NCOA6: variants seen among roughly 807,000 people sequenced by gnomAD.
The protein encoded by NCOA6 is NRC RAP250.
A neutral mutation model predicts 171.4 loss-of-function variants in NCOA6; 49 were observed. The ratio of observed to expected loss-of-function variants is 0.29; its 90% CI spans 0.23 to 0.36. The LOEUF (loss-of-function observed/expected upper bound fraction) is 0.36, where lower values mean the gene tolerates loss of function less well. Ranked by LOEUF, NCOA6 falls within the 10% of genes least tolerant of loss-of-function variation. The probability of loss-of-function intolerance (pLI) is 1.00; values close to 1 mark genes in which losing one functional copy is unlikely to be tolerated. For synonymous variants in NCOA6, 910 were observed against 927.5 expected (o/e 0.98, Z 0.34); for missense variants, 2,248 against 2,554.5 (o/e 0.88, Z 2.59).
Position 34,727,348 on chromosome 20 carries a change from G to A in NCOA6, c.6059C>T (p.Thr2020Ile). 1.2e-6 allele frequency: 2 copies of A among 1,614,150 alleles called. No homozygotes were observed. The highest frequency in any genetic ancestry group is 1.1e-5 in the South Asian group (1 of 91,076). The change falls in exon 14 of 15, where the codon ACT becomes ATT. Residue 2020 changes from threonine (T) to isoleucine (I), a missense_variant. Coordinates refer to ENST00000359003, the MANE Select transcript of NCOA6 (RefSeq NM_014071.5). ...TTCAGAGGCCACAGTTGGCTCTTCA[G>A]TTCGGGAGTTTCTTCGGCCTGGGAT... Reference protein sequence around the residue: ...SKIPGRRNSRTEEPTVASESV... With the variant: ...SKIPGRRNSRIEEPTVASESV...
chr20:34,724,668 C>T lies in NCOA6; in HGVS notation c.6148+2591G>A, dbSNP rs140922547. On this transcript the variant is annotated intron_variant, in intron 14 of 14. Coordinates refer to ENST00000359003, the MANE Select transcript of NCOA6 (RefSeq NM_014071.5). ...TTTTTTCTAGAAAGCCTTCTCTGACCTGGCAGAAGAGCAAGGTATCTCAGC... is the reference window on the plus strand; with the variant it reads ...TTTTTTCTAGAAAGCCTTCTCTGACTTGGCAGAAGAGCAAGGTATCTCAGC... Among the ~76,000 whole-genome samples, 213 of 152,294 alleles carry T rather than the reference C, an allele frequency of 1.4e-3. 1 individual carries two copies. Among genetic ancestry groups the T allele is most frequent in the African/African-American group, 4.9e-3 (205 of 41,552 alleles).
At chr20:34,720,996 C>G (rs1280414347) in intron 14 of NCOA6, among the ~76,000 whole-genome samples, 1 of 152,126 alleles carries the variant, frequency 6.6e-6, no homozygotes, top group Non-Finnish European at 1.5e-5. Flanking sequence ...AACTGTGATA[C>G]TACAATATAT....
At chr20:34,823,182 G>C (rs189738714) in intron 1 of NCOA6, among the ~76,000 whole-genome samples, 1 of 151,976 alleles carries the variant, frequency 6.6e-6, no homozygotes, top group East Asian at 1.9e-4. Context: ...ATTCTGAAAG[G>C]GGTCCATGGC....
At chr20:34,727,448 A>G in intron 13 of NCOA6, 41 bp from the exon 14 acceptor site, 1 of 1,606,818 alleles carries the variant, frequency 6.2e-7, no homozygotes, top group Non-Finnish European at 8.5e-7. Flanking sequence ...AGGTGAGGGA[A>G]CCAGGCCACA....
chr20:34,808,324 T>G (rs1005518382), intron 1 of NCOA6, among the ~76,000 whole-genome samples: 2 of 151,832 alleles, frequency 1.3e-5, no homozygotes, highest in Non-Finnish European at 2.9e-5. Flanking sequence ...ATCAAAATAT[T>G]TTTCCCTCTA....
chr20:34,823,527 G>C (rs2079067292), intron 1 of NCOA6, among the ~76,000 whole-genome samples: 1 of 152,020 alleles, frequency 6.6e-6, no homozygotes. Context: ...TGACTAATTT[G>C]CATATTTCCT....
At chr20:34,804,687 CT>C (rs1370227621) in intron 1 of NCOA6, among the ~76,000 whole-genome samples, 1 of 151,776 alleles carries the variant, frequency 6.6e-6, no homozygotes. Context: ...GTTACTTCCG[CT>C]TTCTTTTTCA....
intron 11 of NCOA6, chr20:34,738,775 T>C: frequency 4.8e-6 from 2 of 417,762 alleles, no homozygotes; most frequent in South Asian, 3.2e-5. Context: ...ATTTTACAAG[T>C]GAAATACATG....
rs1252499927 is a variant in NCOA6 at position 34,715,046 on chromosome 20, G to A, written c.*276C>T. ...TCACCCTGTACTCTAGGCTGCTTAGGAAATGTGAAAACTAGTAACATTTAT... is the reference window on the plus strand; with the variant it reads ...TCACCCTGTACTCTAGGCTGCTTAGAAAATGTGAAAACTAGTAACATTTAT... On this transcript the variant is annotated 3_prime_UTR_variant, in exon 15 of 15. Transcript: ENST00000359003. The A allele has an allele frequency of 2.5e-6, 1 of 395,160 alleles. No individual in the cohort carries two copies. The highest frequency in any genetic ancestry group is 4.8e-6 in the Non-Finnish European group (1 of 209,792). 24.5% of individuals were successfully genotyped at this position (395,160 alleles called of 1,614,324 possible).
At chr20:34,771,119 AATT>A (rs985369739) in intron 4 of NCOA6, among the ~76,000 whole-genome samples, 5 of 152,078 alleles carry the variant, frequency 3.3e-5, no homozygotes, top group East Asian at 3.9e-4. Context: ...TTAATGTAAA[AATT>A]ATTATTATTT....
At chr20:34,822,748 A>C (rs975899674) in intron 1 of NCOA6, among the ~76,000 whole-genome samples, 1 of 152,200 alleles carries the variant, frequency 6.6e-6, no homozygotes, top group Non-Finnish European at 1.5e-5. Flanking sequence ...CAGTAGGAGT[A>C]GGGTTTCTTA....
intron 13 of NCOA6, among the ~76,000 whole-genome samples, chr20:34,729,107 C>T (rs1049915129): frequency 5.3e-5 from 8 of 152,066 alleles, no homozygotes; most frequent in Non-Finnish European, 8.8e-5. Context: ...TGCGCCACCA[C>T]GCCTGGCTAA....
intron 14 of NCOA6, among the ~76,000 whole-genome samples, chr20:34,726,784 C>CAA (rs760609166): frequency 1.2e-4 from 15 of 123,764 alleles, no homozygotes; most frequent in South Asian, 2.6e-4. Context: ...GACTCCATCT[C>CAA]AAAAAAAAAA....
At position 34,787,044 on chromosome 20, in the gene NCOA6, T is replaced by C. The variant is rs145067419; in HGVS notation, c.-49-4640A>G. 1.9e-4 allele frequency among the ~76,000 whole-genome samples: 29 copies of C among 151,534 alleles called. No individual in the cohort carries two copies. In the East Asian group the frequency reaches 5.0e-3, roughly 26 times the overall value. ...CGGAGTGAACAGACAACCTACAGAA[T>C]GGGACAAAATTTTTGCAATCTACCC... On this transcript the variant is annotated intron_variant, in intron 2 of 14. Transcript: ENST00000359003.
chr20:34,749,146 G>A (rs1276050577), intron 9 of NCOA6, among the ~76,000 whole-genome samples: 1 of 152,106 alleles, frequency 6.6e-6, no homozygotes, highest in Non-Finnish European at 1.5e-5. Context: ...AATATTGTGC[G>A]GGCATATTAA....
intron 8 of NCOA6, among the ~76,000 whole-genome samples, chr20:34,754,171 C>T (rs751702155): frequency 1.3e-5 from 2 of 152,160 alleles, no homozygotes; most frequent in African/African-American, 2.4e-5. Context: ...ACATGTACCA[C>T]GTAGAGATTT....
chr20:34,807,988 A>G (rs1223028776), intron 1 of NCOA6, among the ~76,000 whole-genome samples: 12 of 151,520 alleles, frequency 7.9e-5, no homozygotes. Flanking sequence ...TGTCTCTACT[A>G]AAAACACAAA....
intron 2 of NCOA6, among the ~76,000 whole-genome samples, chr20:34,785,175 G>C (rs1464957398): frequency 1.3e-5 from 2 of 151,950 alleles, no homozygotes; most frequent in Non-Finnish European, 2.9e-5. Context: ...AATCCTTGGG[G>C]GAAAAATTCT....
intron 5 of NCOA6, 24 bp downstream of exon 5, chr20:34,768,440 A>G (rs1232204905): frequency 1.2e-6 from 2 of 1,612,250 alleles, no homozygotes; most frequent in Non-Finnish European, 1.7e-6. Context: ...GTAAAATGTC[A>G]TACAATTGAG....
Sources: gnomAD v4.1 joint callset for allele counts (sites outside exome capture counted in the v4.1 genomes callset) on GRCh38, gnomAD v4.1.1 for gene constraint, MANE v1.5 for transcripts, NCBI Gene and HGNC (gene_info 2026-07-23, HGNC 2026-07-21) for gene names.